The following LIMS1 variants were observed in gnomAD, a reference collection of about 807,000 sequenced individuals.
LIMS1 encodes the protein LIM zinc finger domain containing 1.
LIMS1 carries 18 observed loss-of-function variants against 44.1 expected under a neutral mutation model. The observed-to-expected ratio is 0.41, with a 90% CI of 0.28 to 0.61. LIMS1 has a LOEUF of 0.61. LIMS1 is among the 20% of genes least tolerant of loss of function. The pLI is 0.32. For missense variants in LIMS1, 201 were observed against 422.0 expected, an observed-to-expected ratio of 0.48 and a Z score of 4.59; for synonymous variants, 93 against 149.1, an observed-to-expected ratio of 0.62 and a Z score of 2.74.
chr2:108,637,305 G>C (rs985639594), intron 1 of LIMS1, among the ~76,000 whole-genome samples: 5 of 152,146 alleles, frequency 3.3e-5, no homozygotes, highest in Non-Finnish European at 4.4e-5. Flanking sequence ...CTTGACTCAA[G>C]TGAAATGTTT....
intron 1 of LIMS1, among the ~76,000 whole-genome samples, chr2:108,640,320 A>G (rs187316638): frequency 2.0e-4 from 31 of 152,304 alleles, no homozygotes; most frequent in African/African-American, 7.5e-4. Flanking sequence ...CAACTTTTCT[A>G]GAGATCATCC....
chr2:108,642,541 C>G (rs1033222498), intron 1 of LIMS1, among the ~76,000 whole-genome samples: 18 of 151,382 alleles, frequency 1.2e-4, no homozygotes, highest in African/African-American at 3.2e-4. Context: ...TTGTATTTTT[C>G]GTAGAGACGG....
At chr2:108,616,646 A>G (rs1407643052) in intron 1 of LIMS1, among the ~76,000 whole-genome samples, 1 of 152,086 alleles carries the variant, frequency 6.6e-6, no homozygotes. Flanking sequence ...CCATATTTTC[A>G]TGATTTTTTT....
chr2:108,618,862 C>T (rs1008993003), intron 1 of LIMS1, among the ~76,000 whole-genome samples: 2 of 151,584 alleles, frequency 1.3e-5, no homozygotes, highest in Non-Finnish European at 2.9e-5. Flanking sequence ...GTTAAAAAGG[C>T]CTTCCCCAAA....
At position 108,606,056 on chromosome 2, in the gene LIMS1, G is replaced by C. The variant is rs372445048; in HGVS notation, c.33-53549G>C. 4.6e-5 allele frequency among the ~76,000 whole-genome samples: 7 copies of C among 152,354 alleles called. No homozygotes were observed. The South Asian group carries it at 1.4e-3, about 32-fold the overall frequency. ...CCAGCTCTGCCCCCAGTTTGGGGGAGGTGAATCTGGCTGTTGTAGTCACTG... is the reference window on the plus strand; with the variant it reads ...CCAGCTCTGCCCCCAGTTTGGGGGACGTGAATCTGGCTGTTGTAGTCACTG... On this transcript the variant is annotated intron_variant, in intron 1 of 9. Coordinates refer to ENST00000544547, the Ensembl canonical transcript of LIMS1.
rs750018755 is a variant in LIMS1 at position 108,655,025 on chromosome 2, C to T, written c.33-4580C>T. ...GGCCTGGATATTGTTTCTCCTGGCT[C>T]TGTGTCCTGCCATTCTCGTCCCTGT... is the stretch of plus-strand genomic sequence containing the variant. On this transcript the variant is annotated intron_variant, in intron 1 of 9. Coordinates refer to ENST00000544547, the Ensembl canonical transcript of LIMS1. 6.2e-6 allele frequency: 10 copies of T among 1,611,830 alleles called. No homozygotes were observed. The East Asian group carries it at 2.2e-4, about 36-fold the overall frequency.
chr2:108,632,664 A>G (rs1388441469), intron 1 of LIMS1, among the ~76,000 whole-genome samples: 1 of 152,210 alleles, frequency 6.6e-6, no homozygotes, highest in Non-Finnish European at 1.5e-5. Context: ...TTGAAAATGT[A>G]AGAGGGAATG....
chr2:108,591,952 G>T (rs1348492447), intron 1 of LIMS1, among the ~76,000 whole-genome samples: 1 of 151,878 alleles, frequency 6.6e-6, no homozygotes, highest in Non-Finnish European at 1.5e-5. Flanking sequence ...GCACCACCAT[G>T]CCCGGCTAAT....
At chr2:108,578,497 CAGA>C (rs1489657847) in intron 1 of LIMS1, among the ~76,000 whole-genome samples, 1 of 151,948 alleles carries the variant, frequency 6.6e-6, no homozygotes, top group African/African-American at 2.4e-5. Context: ...TTACTGCAGC[CAGA>C]AGGTTAATGC....
intron 1 of LIMS1, among the ~76,000 whole-genome samples, chr2:108,554,677 A>G (rs1383936713): frequency 6.6e-6 from 1 of 152,114 alleles, no homozygotes; most frequent in Admixed American, 6.5e-5. Flanking sequence ...AGCTGAGAGG[A>G]GTGTGCTGGC....
chr2:108,558,922 T>C (rs961703278), intron 1 of LIMS1, among the ~76,000 whole-genome samples: 6 of 151,492 alleles, frequency 4.0e-5, no homozygotes, highest in African/African-American at 1.2e-4. Context: ...CCACCCGCCT[T>C]GGTCTCCCAA....
At chr2:108,611,168 G>A (rs748503822) in intron 1 of LIMS1, among the ~76,000 whole-genome samples, 4 of 152,136 alleles carry the variant, frequency 2.6e-5, no homozygotes, top group African/African-American at 2.4e-5. Flanking sequence ...ACTCAATTAC[G>A]TAATAACTGT....
At chr2:108,626,999 A>G (rs1428648843) in intron 1 of LIMS1, among the ~76,000 whole-genome samples, 2 of 152,230 alleles carry the variant, frequency 1.3e-5, no homozygotes, top group Non-Finnish European at 2.9e-5. Flanking sequence ...TACCATTTTA[A>G]TCTTTTAAAC....
intron 1 of LIMS1, among the ~76,000 whole-genome samples, chr2:108,577,580 T>TG (rs1454002025): frequency 1.3e-5 from 2 of 152,090 alleles, no homozygotes; most frequent in Non-Finnish European, 2.9e-5. Flanking sequence ...TGGTACAGAG[T>TG]GGGTAAGGGT....
intron 1 of LIMS1, among the ~76,000 whole-genome samples, chr2:108,596,888 G>A (rs1212264278): frequency 6.7e-6 from 1 of 148,636 alleles, no homozygotes; most frequent in Admixed American, 6.7e-5. Flanking sequence ...ACTTGGGATG[G>A]TTCATTAATT....
At chr2:108,554,733 A>G (rs1050812977) in intron 1 of LIMS1, among the ~76,000 whole-genome samples, 7 of 152,176 alleles carry the variant, frequency 4.6e-5, no homozygotes, top group African/African-American at 1.7e-4. Flanking sequence ...ACAAAAGTAC[A>G]TGACATGACG....
At chr2:108,587,013 C>T (rs1246154782) in intron 1 of LIMS1, among the ~76,000 whole-genome samples, 1 of 152,156 alleles carries the variant, frequency 6.6e-6, no homozygotes, top group Non-Finnish European at 1.5e-5. Flanking sequence ...TGAGAGCTCC[C>T]AAACTAGCTG....
Position 108,637,143 on chromosome 2 carries a change from G to A in LIMS1, c.33-22462G>A, listed in dbSNP as rs1371778857. On this transcript the variant is annotated intron_variant, in intron 1 of 9. Coordinates refer to ENST00000544547, the Ensembl canonical transcript of LIMS1. ...TGTGTGTGTGTGTGTGTGTGTGTGT[G>A]TGTATTTTAGTTCCTCTGCTTCATC... 2.8e-5 allele frequency among the ~76,000 whole-genome samples: 4 copies of A among 144,200 alleles called. No individual in the cohort carries two copies. The East Asian group carries it at 6.3e-4, about 23-fold the overall frequency. The allele number at this position is 144,200 out of a possible 152,430, so 94.6% of individuals were successfully genotyped here. A position where few individuals can be genotyped will look rare whatever the true frequency, so the allele number is the denominator to read the frequency against.
Position 108,630,855 on chromosome 2 carries a change from C to T in LIMS1, c.33-28750C>T, listed in dbSNP as rs569278346. ...GATTCTTTACCTTAATCTAGGCTGT[C>T]GTTCTATGGTAATCATTAAGCTTTC... is the stretch of plus-strand genomic sequence containing the variant. On this transcript the variant is annotated intron_variant, in intron 1 of 9. Transcript: ENST00000544547. Among the ~76,000 whole-genome samples, 244 of 152,096 alleles carry T rather than the reference C, an allele frequency of 1.6e-3. 1 individual carries two copies. The highest frequency in any genetic ancestry group is 2.6e-3 in the Non-Finnish European group (174 of 68,012).
Sources: gnomAD v4.1 joint callset for allele counts (sites outside exome capture counted in the v4.1 genomes callset) on GRCh38, gnomAD v4.1.1 for gene constraint, MANE v1.5 for transcripts, NCBI Gene and HGNC (gene_info 2026-07-23, HGNC 2026-07-21) for gene names.